Variants in SOX6 observed in about 807,000 individuals in gnomAD.
The protein encoded by SOX6 is SRY-box transcription factor 6.
A neutral mutation model predicts 97.8 loss-of-function variants in SOX6; 11 were observed. That is an observed-to-expected ratio of 0.11 (90% CI 0.07 to 0.19). The LOEUF (loss-of-function observed/expected upper bound fraction) is 0.19, where lower values mean the gene tolerates loss of function less well. Among genes scored for constraint, SOX6 ranks in the 10% least tolerant of loss-of-function variants. The pLI is 1.00. For synonymous variants in SOX6, 360 were observed against 371.4 expected, an observed-to-expected ratio of 0.97 and a Z score of 0.35; for missense variants, 810 against 1,039.5, an observed-to-expected ratio of 0.78 and a Z score of 3.04.
At chr11:16,091,745 C>T (rs1464453689) in intron 9 of SOX6, among the ~76,000 whole-genome samples, 2 of 151,924 alleles carry the variant, frequency 1.3e-5, no homozygotes, top group African/African-American at 4.8e-5. Flanking sequence ...AACTATATTC[C>T]TTTCCTCAAA....
intron 4 of SOX6, among the ~76,000 whole-genome samples, chr11:16,534,107 A>G (rs1277660991): frequency 1.3e-5 from 2 of 152,172 alleles, no homozygotes; most frequent in African/African-American, 4.8e-5. Context: ...ACTGTATTAG[A>G]TAGAATGGCA....
intron 1 of SOX6, chr11:16,476,277 T>C (rs1015378501): frequency 4.6e-5 from 7 of 152,406 alleles, no homozygotes; most frequent in Non-Finnish European, 8.8e-5. Context: ...AACTGTTTCA[T>C]TACACAATGA....
intron 15 of SOX6, among the ~76,000 whole-genome samples, chr11:15,975,072 AACCTGTCAGCACCT>A (rs902464952): frequency 6.6e-6 from 1 of 152,174 alleles, no homozygotes; most frequent in African/African-American, 2.4e-5. Flanking sequence ...ACTTCTATAG[AACCTGTCAGCACCT>A]AGTTGACACT....
At chr11:16,181,639 G>A (rs749273163) in intron 6 of SOX6, among the ~76,000 whole-genome samples, 1 of 151,206 alleles carries the variant, frequency 6.6e-6, no homozygotes, top group Non-Finnish European at 1.5e-5. Flanking sequence ...GTGATTTTGT[G>A]TAAGGAGTAC....
chr11:16,075,989 G>A (rs1848343434), intron 9 of SOX6, among the ~76,000 whole-genome samples: 1 of 152,040 alleles, frequency 6.6e-6, no homozygotes, highest in Admixed American at 6.6e-5. Context: ...ATGACATGTG[G>A]GGATTATGGG....
chr11:16,253,837 G>A (rs574875949), intron 3 of SOX6, among the ~76,000 whole-genome samples: 1 of 152,142 alleles, frequency 6.6e-6, no homozygotes, highest in Non-Finnish European at 1.5e-5. Flanking sequence ...TCAAATTAAT[G>A]TCAGACACCA....
chr11:16,360,246 C>T (rs1053275279), upstream of SOX6, among the ~76,000 whole-genome samples: 2 of 152,002 alleles, frequency 1.3e-5, no homozygotes, highest in African/African-American at 2.4e-5. Flanking sequence ...GGTGGTGATG[C>T]CTAGTCTGTT....
At chr11:16,141,568 T>C (rs1406741562) in intron 6 of SOX6, among the ~76,000 whole-genome samples, 1 of 152,088 alleles carries the variant, frequency 6.6e-6, no homozygotes, top group Non-Finnish European at 1.5e-5. Flanking sequence ...TGGCAAGGCA[T>C]CACCTCACCC....
chr11:16,360,111 C>A (rs902052952), upstream of SOX6, among the ~76,000 whole-genome samples: 1 of 152,202 alleles, frequency 6.6e-6, no homozygotes, highest in African/African-American at 2.4e-5. Flanking sequence ...TTTGCACAGG[C>A]TATGTCTAAG....
intron 1 of SOX6, among the ~76,000 whole-genome samples, chr11:16,415,852 A>C (rs2133060394): frequency 6.6e-6 from 1 of 152,304 alleles, no homozygotes; most frequent in East Asian, 1.9e-4. Context: ...GAAGAAAAAA[A>C]TGCCTCCTGA....
At chr11:16,058,554 TG>T (rs1847873598) in intron 9 of SOX6, among the ~76,000 whole-genome samples, 1 of 152,084 alleles carries the variant, frequency 6.6e-6, no homozygotes, top group Non-Finnish European at 1.5e-5. Context: ...GCTTTTTCAT[TG>T]GGAAATCACA....
chr11:16,579,739 A>C (rs1163231188), intron 4 of SOX6, among the ~76,000 whole-genome samples: 1 of 152,162 alleles, frequency 6.6e-6, no homozygotes, highest in Non-Finnish European at 1.5e-5. Flanking sequence ...TATTACAAAC[A>C]AAATTGCTAC....
chr11:16,055,161 C>T (rs1190771740), intron 10 of SOX6, among the ~76,000 whole-genome samples: 14 of 151,982 alleles, frequency 9.2e-5, no homozygotes, highest in Admixed American at 9.2e-4. Context: ...TAAGACTTTT[C>T]ATATTTATGA....
chr11:16,411,870 G>C (rs983350195), intron 1 of SOX6, among the ~76,000 whole-genome samples: 2 of 152,014 alleles, frequency 1.3e-5, no homozygotes, highest in African/African-American at 4.8e-5. Context: ...TTAATTTGAA[G>C]CAAATCTATT....
intron 3 of SOX6, among the ~76,000 whole-genome samples, chr11:16,636,216 A>G (rs1308074853): frequency 6.6e-6 from 1 of 152,220 alleles, no homozygotes; most frequent in African/African-American, 2.4e-5. Flanking sequence ...GCAAAGCTAC[A>G]GGGTCAGAGC....
At chr11:16,304,854 T>A (rs573033037) in intron 3 of SOX6, among the ~76,000 whole-genome samples, 22 of 152,012 alleles carry the variant, frequency 1.4e-4, no homozygotes, top group Non-Finnish European at 2.6e-4. Flanking sequence ...CCGCAGCAAA[T>A]TAAACATCCA....
At chr11:16,417,699 T>C (rs990035630) in intron 1 of SOX6, among the ~76,000 whole-genome samples, 6 of 152,214 alleles carry the variant, frequency 3.9e-5, no homozygotes, top group Admixed American at 3.3e-4. Flanking sequence ...AAAAGTTGAA[T>C]GCCCCAACTA....
intron 1 of SOX6, among the ~76,000 whole-genome samples, chr11:16,445,825 T>G (rs1859600402): frequency 6.6e-6 from 1 of 152,154 alleles, no homozygotes; most frequent in Non-Finnish European, 1.5e-5. Context: ...CACAAAGGTT[T>G]ATTTATAGTT....
intron 4 of SOX6, among the ~76,000 whole-genome samples, chr11:16,591,090 A>G (rs1272281168): frequency 6.6e-6 from 1 of 152,108 alleles, no homozygotes; most frequent in Non-Finnish European, 1.5e-5. Flanking sequence ...ACAAAAATTA[A>G]TTTTAAAAAG....
Sources: gnomAD v4.1 joint callset for allele counts (sites outside exome capture counted in the v4.1 genomes callset) on GRCh38, gnomAD v4.1.1 for gene constraint, MANE v1.5 for transcripts, NCBI Gene and HGNC (gene_info 2026-07-23, HGNC 2026-07-21) for gene names.